Variants in MPV17L observed in about 807,000 individuals in gnomAD.
MPV17L encodes mpv17-like protein.
Under a neutral mutation model 25.8 loss-of-function variants are expected in MPV17L, and 24 were observed. That is an observed-to-expected ratio of 0.93 (90% CI 0.67 to 1.31). The LOEUF is 1.31. Ranked by LOEUF, MPV17L falls within the 50% of genes most tolerant of loss-of-function variation. The pLI is 0.00. For synonymous variants in MPV17L, 102 were observed against 115.3 expected (o/e 0.88, Z 0.74); for missense variants, 250 against 265.6 (o/e 0.94, Z 0.41).
Position 15,402,718 on chromosome 16 carries a change from C to T in MPV17L, c.381+1861C>T, listed in dbSNP as rs373961187. Among the ~76,000 whole-genome samples the T allele has an allele frequency of 2.0e-5, 3 of 152,094 alleles. No individual in the cohort carries two copies. In the East Asian group the frequency reaches 5.8e-4, roughly 29 times the overall value. On this transcript the variant is annotated intron_variant, in intron 2 of 3. Coordinates refer to ENST00000396385, the MANE Select transcript of MPV17L (RefSeq NM_001128423.2). ...TGTTTTTTGAGACGGAGTCTTGCTC[C>T]GTAGCCTAGGCTGGAGTGCAGTGGC... is the stretch of plus-strand genomic sequence containing the variant.
In MPV17L at chr16:15,395,974, C is replaced by A. The variant is rs1405199400; in HGVS notation, c.77C>A (p.Ser26Ter). 6.6e-7 allele frequency: 1 copy of A among 1,513,130 alleles called. No individual in the cohort carries two copies. The highest frequency in any genetic ancestry group is 8.8e-7 in the Non-Finnish European group (1 of 1,138,636). 93.7% of individuals were successfully genotyped at this position (1,513,130 alleles called of 1,614,324 possible). ...CCCACCAACGTGCTGCTTTACGGCT[C>A]GCTCGTCTCGGCCGGGGACGCGCTG... is the stretch of plus-strand genomic sequence containing the variant. ...PWPTNVLLYG[S>*]LVSAGDALQQ... Residue 26 changes from serine to a stop codon, truncating the protein, a stop_gained, in exon 1 of 4, where the codon TCG (serine) becomes TAG (stop). Transcript: ENST00000396385. LOFTEE classifies it high-confidence loss of function.
At chr16:15,404,376 G>A (rs2050663860) in intron 2 of MPV17L, among the ~76,000 whole-genome samples, 1 of 152,132 alleles carries the variant, frequency 6.6e-6, no homozygotes, top group East Asian at 1.9e-4. Flanking sequence ...AAAGTGGGTG[G>A]TTATCGTGAC....
Position 15,407,382 on chromosome 16 carries a change from G to C in MPV17L, c.382-442G>C, listed in dbSNP as rs550266831. 2.0e-5 allele frequency among the ~76,000 whole-genome samples: 3 copies of C among 152,232 alleles called. No homozygotes were observed. The South Asian group carries it at 6.2e-4, about 32-fold the overall frequency. Reference sequence around the variant, plus strand: ...TAGTCTGAAATATAATACTACCTAGGCATCTTGTTGGCCTAGTATTTCTTA... The same window carrying C: ...TAGTCTGAAATATAATACTACCTAGCCATCTTGTTGGCCTAGTATTTCTTA... On this transcript the variant is annotated intron_variant, in intron 2 of 3. Coordinates refer to ENST00000396385, the MANE Select transcript of MPV17L (RefSeq NM_001128423.2).
chr16:15,406,483 A>T (rs2050681392), intron 2 of MPV17L, among the ~76,000 whole-genome samples: 1 of 152,146 alleles, frequency 6.6e-6, no homozygotes, highest in Admixed American at 6.6e-5. Flanking sequence ...TGACTTTTTC[A>T]TAGGACTGTG....
chr16:15,395,998 T>G lies in MPV17L; in HGVS notation c.101T>G (p.Leu34Arg), dbSNP rs1242778928. 1 of 1,519,222 alleles carries G rather than the reference T, an allele frequency of 6.6e-7. No individual in the cohort carries two copies. The highest frequency in any genetic ancestry group is 8.8e-7 in the Non-Finnish European group (1 of 1,140,128). The allele number at this position is 1,519,222 out of a possible 1,614,324, so 94.1% of individuals were successfully genotyped here. Residue 34 changes from leucine to arginine, a missense_variant, in exon 1 of 4, where the codon CTG becomes CGG. By Grantham distance (102) the Leu-to-Arg change is moderately radical (BLOSUM62 -2). Coordinates refer to ENST00000396385, the MANE Select transcript of MPV17L (RefSeq NM_001128423.2). ...YGSLVSAGDALQQRLQGREAN... is the reference protein window; with the variant it reads ...YGSLVSAGDARQQRLQGREAN... Reference sequence around the variant, plus strand: ...TCGCTCGTCTCGGCCGGGGACGCGCTGCAACAGCGGCTGCAGGGCCGCGAG... The same window carrying G: ...TCGCTCGTCTCGGCCGGGGACGCGCGGCAACAGCGGCTGCAGGGCCGCGAG...
In MPV17L at chr16:15,396,296, G is replaced by T. The variant is rs1280219953; in HGVS notation, c.310+89G>T. The T allele has an allele frequency of 2.0e-6, 3 of 1,472,282 alleles. No individual in the cohort carries two copies. In the East Asian group the frequency reaches 7.6e-5, roughly 37 times the overall value. The allele number at this position is 1,472,282 out of a possible 1,614,324, so 91.2% of individuals were successfully genotyped here. On this transcript the variant is annotated intron_variant, in intron 1 of 3. Coordinates refer to ENST00000396385, the MANE Select transcript of MPV17L (RefSeq NM_001128423.2). ...CGGGGATCAAGCGGCTGGAGGGAGG[G>T]CGCTGCAGGAGCCTGGGGACCCGGG...
chr16:15,412,917 A>C lies in MPV17L; in HGVS notation c.*4805A>C, dbSNP rs1279733909. 1 of 152,048 alleles carries C rather than the reference A, an allele frequency of 6.6e-6. No homozygotes were observed. The highest frequency in any genetic ancestry group is 1.5e-5 in the Non-Finnish European group (1 of 68,004). 9.4% of individuals were successfully genotyped at this position (152,048 alleles called of 1,614,324 possible). On this transcript the variant is annotated 3_prime_UTR_variant, in exon 4 of 4. Coordinates refer to ENST00000396385, the MANE Select transcript of MPV17L (RefSeq NM_001128423.2). ...TTCTAACTCATACATCATTGCTATAAACCTTATTTGTTTACTGTTTCTCTT... is the reference window on the plus strand; with the variant it reads ...TTCTAACTCATACATCATTGCTATACACCTTATTTGTTTACTGTTTCTCTT...
intron 1 of MPV17L, among the ~76,000 whole-genome samples, chr16:15,398,271 T>G (rs183971446): frequency 1.3e-5 from 2 of 152,166 alleles, no homozygotes; most frequent in South Asian, 2.1e-4. Flanking sequence ...CTCGAACTCC[T>G]GACCTCAAGT....
rs564807583 is a variant in MPV17L at position 15,410,177 on chromosome 16, C to G, written c.*2065C>G. On this transcript the variant is annotated 3_prime_UTR_variant, in exon 4 of 4. Coordinates refer to ENST00000396385, the MANE Select transcript of MPV17L (RefSeq NM_001128423.2). ...ACTATCTCAAGAAGTTTCACTTGGA[C>G]GTAGTGGTTCACGCTTGTAATCCCA... The G allele has an allele frequency of 2.0e-5, 3 of 152,236 alleles. No individual in the cohort carries two copies. In the East Asian group the frequency reaches 5.8e-4, roughly 29 times the overall value. 9.4% of individuals were successfully genotyped at this position (152,236 alleles called of 1,614,324 possible).
chr16:15,400,900 A>G (rs763992026), intron 2 of MPV17L, 43 bp downstream of exon 2: 1 of 1,105,454 alleles, frequency 9.0e-7, no homozygotes, highest in South Asian at 2.4e-5. Flanking sequence ...ATTTTTGTGT[A>G]TATATGTATA....
At chr16:15,407,898 C>T in intron 3 of MPV17L, 35 bp from the exon 4 acceptor site, 1 of 1,613,164 alleles carries the variant, frequency 6.2e-7, no homozygotes, top group Non-Finnish European at 8.5e-7. Flanking sequence ...GCTTTGGTTT[C>T]CATGTGGCCC....
chr16:15,407,603 G>T (rs1282698121), intron 2 of MPV17L, among the ~76,000 whole-genome samples: 3 of 152,006 alleles, frequency 2.0e-5, no homozygotes, highest in African/African-American at 7.2e-5. Context: ...TTAGCCAGGT[G>T]AGGTGGTGTG....
chr16:15,401,645 C>G (rs979701313), intron 2 of MPV17L, among the ~76,000 whole-genome samples: 3 of 151,958 alleles, frequency 2.0e-5, no homozygotes, highest in African/African-American at 7.3e-5. Flanking sequence ...TATGGTGAAA[C>G]CCTGTTTCTA....
rs1289457685 is a variant in MPV17L, at chr16:15,395,873, G to C, written c.-25G>C. The C allele has an allele frequency of 7.2e-7, 1 of 1,384,512 alleles. No homozygotes were observed. The highest frequency in any genetic ancestry group is 1.7e-5 in the South Asian group (1 of 60,252). The allele number at this position is 1,384,512 out of a possible 1,614,324, so 85.8% of individuals were successfully genotyped here. On this transcript the variant is annotated 5_prime_UTR_variant, in exon 1 of 4. Coordinates refer to ENST00000396385, the MANE Select transcript of MPV17L (RefSeq NM_001128423.2). ...GAAGACGCCGACCACGCGGGCTCCT[G>C]ATCGCGGGCGCCCACAGCGCGGACA...
rs4013478 is a variant in MPV17L, at chr16:15,408,601, C to CTTTTTTTTTTT, written c.*500_*510dup. On this transcript the variant is annotated 3_prime_UTR_variant, in exon 4 of 4. Coordinates refer to ENST00000396385, the MANE Select transcript of MPV17L (RefSeq NM_001128423.2). ...CACAATTTGTTATTTTAGTAAATAC[C>CTTTTTTTTTTT]TTTTTTTTTTTTTTTTTTTTTGTGG... 7 of 106,302 alleles carry CTTTTTTTTTTT rather than the reference C, an allele frequency of 6.6e-5. No individual in the cohort carries two copies. Among genetic ancestry groups the CTTTTTTTTTTT allele is most frequent in the East Asian group, 2.4e-4 (1 of 4,134 alleles). The allele number at this position is 106,302 out of a possible 1,614,324, so 6.6% of individuals were successfully genotyped here. A position where few individuals can be genotyped will look rare whatever the true frequency, so the allele number is the denominator to read the frequency against.
chr16:15,398,027 A>G (rs2050602113), intron 1 of MPV17L, among the ~76,000 whole-genome samples: 2 of 151,976 alleles, frequency 1.3e-5, no homozygotes, highest in Admixed American at 1.3e-4. Context: ...TCAAACAACT[A>G]GTGAGATTGT....
chr16:15,396,761 G>C (rs2050589741), intron 1 of MPV17L, among the ~76,000 whole-genome samples: 1 of 152,144 alleles, frequency 6.6e-6, no homozygotes, highest in African/African-American at 2.4e-5. Flanking sequence ...ATCTGAGGTT[G>C]GGCCTGGATC....
Position 15,395,757 on chromosome 16 carries a change from C to T in MPV17L, c.-141C>T, listed in dbSNP as rs1382605702. The T allele has an allele frequency of 2.5e-6, 2 of 802,526 alleles. No individual in the cohort carries two copies. Among genetic ancestry groups the T allele is most frequent in the Non-Finnish European group, 1.8e-6 (1 of 565,768 alleles). 49.7% of individuals were successfully genotyped at this position (802,526 alleles called of 1,614,324 possible). ...GCTGGGTGTGTGTGGGTCGCTCAAT[C>T]GCTCCGGAGCTTCTGGAGGGGGCAG... On this transcript the variant is annotated 5_prime_UTR_variant, in exon 1 of 4. Transcript: ENST00000396385.
chr16:15,395,783 A>G lies in MPV17L; in HGVS notation c.-115A>G, dbSNP rs1382331159. Reference sequence around the variant, plus strand: ...GCTCCGGAGCTTCTGGAGGGGGCAGATGCAGGTGCCGGCTGCTGCAGTGCA... The same window carrying G: ...GCTCCGGAGCTTCTGGAGGGGGCAGGTGCAGGTGCCGGCTGCTGCAGTGCA... On this transcript the variant is annotated 5_prime_UTR_variant, in exon 1 of 4. It removes an upstream start codon present in the reference 5' UTR. Coordinates refer to ENST00000396385, the MANE Select transcript of MPV17L (RefSeq NM_001128423.2). 3.4e-5 allele frequency: 33 copies of G among 966,110 alleles called. No homozygotes were observed. Among genetic ancestry groups the G allele is most frequent in the Admixed American group, 4.2e-5 (1 of 23,648 alleles). 59.8% of individuals were successfully genotyped at this position (966,110 alleles called of 1,614,324 possible).
Sources: allele counts gnomAD v4.1 joint callset (sites outside exome capture counted in the v4.1 genomes callset), GRCh38; gene constraint gnomAD v4.1.1; transcripts MANE v1.5; gene names NCBI Gene and HGNC (gene_info 2026-07-23, HGNC 2026-07-21).